The following ERC2 variants were observed in gnomAD, a reference collection of about 807,000 sequenced individuals.
ERC2 encodes ELKS/RAB6-interacting/CAST family member 2.
A neutral mutation model predicts 114.8 loss-of-function variants in ERC2; 42 were observed. The ratio of observed to expected loss-of-function variants is 0.37; its 90% CI spans 0.29 to 0.47. The LOEUF is 0.47. ERC2 is among the 20% of genes least tolerant of loss of function. The probability of loss-of-function intolerance (pLI) is 0.99; values close to 1 mark genes in which losing one functional copy is unlikely to be tolerated. For synonymous variants in ERC2, 454 were observed against 425.5 expected (o/e 1.07, Z -0.82); for missense variants, 939 against 1,150.7 (o/e 0.82, Z 2.66).
chr3:55,923,900 C>T (rs2065593845), intron 13 of ERC2, among the ~76,000 whole-genome samples: 1 of 152,120 alleles, frequency 6.6e-6, no homozygotes, highest in Non-Finnish European at 1.5e-5. Context: ...GTTAAGGCAG[C>T]CACCAATTAA....
At chr3:55,743,555 T>C (rs1305239368) in intron 14 of ERC2, among the ~76,000 whole-genome samples, 2 of 137,470 alleles carry the variant, frequency 1.5e-5, no homozygotes, top group African/African-American at 5.6e-5. Flanking sequence ...GCAGTGGACA[T>C]GTGTGAGGCA....
intron 7 of ERC2, among the ~76,000 whole-genome samples, chr3:56,071,464 T>C (rs2076737200): frequency 6.6e-6 from 1 of 152,228 alleles, no homozygotes; most frequent in African/African-American, 2.4e-5. Flanking sequence ...TGTTGTCTCA[T>C]GTCTTCCTGT....
At chr3:56,455,927 A>G (rs1413874334) in intron 1 of ERC2, among the ~76,000 whole-genome samples, 1 of 152,230 alleles carries the variant, frequency 6.6e-6, no homozygotes, top group Non-Finnish European at 1.5e-5. Flanking sequence ...TGAGCCCACA[A>G]AAAAAGTTAG....
intron 14 of ERC2, among the ~76,000 whole-genome samples, chr3:55,799,537 C>T (rs1167074205): frequency 6.7e-6 from 1 of 149,950 alleles, no homozygotes; most frequent in Non-Finnish European, 1.5e-5. Context: ...CATTTTACCA[C>T]ATGCAGTGCA....
chr3:55,713,131 T>TCTCTCTCTCTCA (rs1553638935), intron 15 of ERC2, among the ~76,000 whole-genome samples: 1 of 139,332 alleles, frequency 7.2e-6, no homozygotes, highest in African/African-American at 2.7e-5. Flanking sequence ...TCTCTCTGTC[T>TCTCTCTCTCTCA]CACACACACA....
In ERC2 at chr3:56,170,605, T is replaced by TTG. The variant is rs1560299088; in HGVS notation, c.1149+2840_1149+2841insCA. Among the ~76,000 whole-genome samples the TTG allele has an allele frequency of 4.9e-3, 692 of 141,378 alleles. 33 individuals are homozygous for TTG. Among genetic ancestry groups the TTG allele is most frequent in the African/African-American group, 0.018 (656 of 37,430 alleles). 92.7% of individuals were successfully genotyped at this position (141,378 alleles called of 152,430 possible). On this transcript the variant is annotated intron_variant, in intron 4 of 17. Coordinates refer to ENST00000288221, the MANE Select transcript of ERC2 (RefSeq NM_015576.3). Reference sequence around the variant, plus strand: ...CTTCTGTTTTTTTTTTTTTTTTTTTTTTTTTTTTTGAGGTAGTGTCTCACT... The same window carrying TTG: ...CTTCTGTTTTTTTTTTTTTTTTTTTTTGTTTTTTTTTGAGGTAGTGTCTCACT...
chr3:55,741,871 C>T (rs1418141751), intron 14 of ERC2, among the ~76,000 whole-genome samples: 1 of 152,072 alleles, frequency 6.6e-6, no homozygotes, highest in Non-Finnish European at 1.5e-5. Context: ...TATCAACGTG[C>T]AGCCTAAACA....
intron 5 of ERC2, among the ~76,000 whole-genome samples, chr3:56,145,555 T>C (rs905862001): frequency 1.3e-5 from 2 of 152,156 alleles, no homozygotes; most frequent in African/African-American, 4.8e-5. Context: ...GGGGTAGGAA[T>C]TGGAGTTTCC....
At chr3:55,603,976 C>A (rs780132326) in intron 17 of ERC2, among the ~76,000 whole-genome samples, 10 of 151,870 alleles carry the variant, frequency 6.6e-5, no homozygotes, top group Admixed American at 3.9e-4. Flanking sequence ...TGATTTCACC[C>A]CCCCCAGCAT....
chr3:55,757,349 C>T (rs1330125795), intron 14 of ERC2, among the ~76,000 whole-genome samples: 1 of 152,076 alleles, frequency 6.6e-6, no homozygotes, highest in Non-Finnish European at 1.5e-5. Context: ...AAAAGGATGT[C>T]CCTTCCACAC....
chr3:56,089,869 G>T (rs1422332237), intron 6 of ERC2, among the ~76,000 whole-genome samples: 1 of 152,132 alleles, frequency 6.6e-6, no homozygotes, highest in Non-Finnish European at 1.5e-5. Flanking sequence ...AAGCTTTCAT[G>T]GACATGAAGC....
At chr3:56,046,089 A>G (rs2075442577) in intron 7 of ERC2, among the ~76,000 whole-genome samples, 1 of 152,124 alleles carries the variant, frequency 6.6e-6, no homozygotes, top group African/African-American at 2.4e-5. Flanking sequence ...CAAGTGCTAC[A>G]GGTGATTTTT....
At chr3:55,773,849 C>A (rs1258437967) in intron 14 of ERC2, among the ~76,000 whole-genome samples, 1 of 152,154 alleles carries the variant, frequency 6.6e-6, no homozygotes, top group Non-Finnish European at 1.5e-5. Context: ...TCACTGAACA[C>A]CCAGGATATA....
chr3:55,881,256 C>G (rs1310601503), intron 14 of ERC2, among the ~76,000 whole-genome samples: 2 of 152,158 alleles, frequency 1.3e-5, no homozygotes, highest in Non-Finnish European at 2.9e-5. Flanking sequence ...ATAATGCCCT[C>G]GAATAAGCTG....
intron 13 of ERC2, among the ~76,000 whole-genome samples, chr3:55,914,120 TA>T (rs1306517080): frequency 1.2e-4 from 18 of 152,138 alleles, no homozygotes; most frequent in African/African-American, 4.1e-4. Context: ...GTGATCAATT[TA>T]AAAAATATTT....
intron 2 of ERC2, among the ~76,000 whole-genome samples, chr3:56,309,323 G>A (rs1869156): frequency 0.6 from 90,715 of 152,006 alleles, 27,753 homozygotes; most frequent in East Asian, 0.84. Context: ...AATATGTGAC[G>A]TTTTGCCAAG....
At chr3:55,849,032 C>T (rs1420510093) in intron 14 of ERC2, among the ~76,000 whole-genome samples, 1 of 152,158 alleles carries the variant, frequency 6.6e-6, no homozygotes, top group Non-Finnish European at 1.5e-5. Flanking sequence ...AGAGACAGTG[C>T]CTGCCATCTG....
chr3:56,325,059 T>A (rs997006119), intron 2 of ERC2, among the ~76,000 whole-genome samples: 1 of 152,102 alleles, frequency 6.6e-6, no homozygotes, highest in Admixed American at 6.5e-5. Context: ...CCTGCTTTTT[T>A]TTCCTCATGA....
chr3:55,822,293 T>G (rs1200593902), intron 14 of ERC2, among the ~76,000 whole-genome samples: 1 of 152,170 alleles, frequency 6.6e-6, no homozygotes, highest in Non-Finnish European at 1.5e-5. Flanking sequence ...CCTTTTAAGA[T>G]CCTCACTTAT....
Sources: allele counts gnomAD v4.1 joint callset (sites outside exome capture counted in the v4.1 genomes callset), GRCh38; gene constraint gnomAD v4.1.1; transcripts MANE v1.5; gene names NCBI Gene and HGNC (gene_info 2026-07-23, HGNC 2026-07-21).